The following AP3B1 variants were observed in gnomAD, a reference collection of about 807,000 sequenced individuals.
AP3B1 encodes the protein adaptor related protein complex 3 subunit beta 1, also known as AP-3 complex subunit beta-1.
Under a neutral mutation model 132.5 loss-of-function variants are expected in AP3B1, and 61 were observed. That is an observed-to-expected ratio of 0.46 (90% CI 0.37 to 0.57). AP3B1 has a LOEUF of 0.57. Among genes scored for constraint, AP3B1 ranks in the 20% least tolerant of loss-of-function variants. The pLI is 0.00. For missense variants in AP3B1, 1,120 were observed against 1,289.4 expected (o/e 0.87, Z 2.01); for synonymous variants, 388 against 438.3 (o/e 0.89, Z 1.43).
chr5:78,119,985 T>A (rs557256480), intron 17 of AP3B1, among the ~76,000 whole-genome samples: 3 of 152,162 alleles, frequency 2.0e-5, no homozygotes, highest in South Asian at 2.1e-4. Flanking sequence ...GACTAACAGC[T>A]GATCTCTTGG....
intron 23 of AP3B1, among the ~76,000 whole-genome samples, chr5:78,034,784 G>A (rs138842238): frequency 3.8e-4 from 58 of 151,756 alleles, no homozygotes; most frequent in Non-Finnish European, 6.3e-4. Context: ...TTCTTGTTTC[G>A]CATACCTGTA....
At chr5:78,114,508 C>T (rs111477246) in intron 18 of AP3B1, among the ~76,000 whole-genome samples, 181 of 152,220 alleles carry the variant, frequency 1.2e-3, no homozygotes, top group African/African-American at 4.2e-3. Flanking sequence ...TCAAGTTACA[C>T]TGAGGAATTA....
chr5:78,290,186 T>G (rs1749452347), intron 1 of AP3B1, among the ~76,000 whole-genome samples: 1 of 152,246 alleles, frequency 6.6e-6, no homozygotes, highest in East Asian at 1.9e-4. Context: ...GAAGCACTAC[T>G]ACAAATGGAA....
intron 24 of AP3B1, among the ~76,000 whole-genome samples, chr5:78,025,528 A>G (rs982796468): frequency 4.6e-5 from 7 of 152,230 alleles, no homozygotes; most frequent in African/African-American, 1.7e-4. Context: ...GAACTTCAGT[A>G]GATATTTCTG....
chr5:78,081,381 C>T (rs1228236263), intron 22 of AP3B1, among the ~76,000 whole-genome samples: 1 of 145,334 alleles, frequency 6.9e-6, no homozygotes, highest in Non-Finnish European at 1.5e-5. Flanking sequence ...GATCTCGGCT[C>T]ACTGCTAGCT....
rs190033824 is a variant in AP3B1 at position 78,084,329 on chromosome 5, A to T, written c.2577+5064T>A. Among the ~76,000 whole-genome samples the T allele has an allele frequency of 1.3e-3, 192 of 152,060 alleles. 1 individual carries two copies. Among genetic ancestry groups the T allele is most frequent in the African/African-American group, 4.3e-3 (177 of 41,480 alleles). ...AACCCTAGCTCTACCAACAAAAATT[A>T]AAAAATTAGCCAATAAATTAGCCAT... On this transcript the variant is annotated intron_variant, in intron 22 of 26. Coordinates refer to ENST00000255194, the MANE Select transcript of AP3B1 (RefSeq NM_003664.5).
intron 22 of AP3B1, among the ~76,000 whole-genome samples, chr5:78,051,846 T>C (rs183077260): frequency 6.6e-6 from 1 of 152,270 alleles, no homozygotes; most frequent in Admixed American, 6.5e-5. Flanking sequence ...CAGCTTCATC[T>C]TTAAAATTAG....
Position 78,240,889 on chromosome 5 carries a change from C to T in AP3B1, c.252G>A (p.Val84=). Residue 84 remains valine, a synonymous_variant, in exon 3 of 27, where the codon GTG becomes GTA. Coordinates refer to ENST00000255194, the MANE Select transcript of AP3B1 (RefSeq NM_003664.5). ...KNASELFPAV[V]KNVASKNIEI... ...CAATATTTTTACTGGCCACATTCTTCACAACAGCAGGAAACAGTTCAGATG... is the reference window on the plus strand; with the variant it reads ...CAATATTTTTACTGGCCACATTCTTTACAACAGCAGGAAACAGTTCAGATG... 1 of 1,613,250 alleles carries T rather than the reference C, an allele frequency of 6.2e-7. No homozygotes were observed. The highest frequency in any genetic ancestry group is 8.5e-7 in the Non-Finnish European group (1 of 1,179,390).
At chr5:78,236,475 C>A (rs563928570) in intron 3 of AP3B1, among the ~76,000 whole-genome samples, 9 of 152,262 alleles carry the variant, frequency 5.9e-5, no homozygotes, top group African/African-American at 2.2e-4. Flanking sequence ...GGAAAGATGG[C>A]GCTGAATGGG....
At chr5:78,003,388 T>G (rs1746263017) in intron 26 of AP3B1, 1 of 346,220 alleles carries the variant, frequency 2.9e-6, no homozygotes, top group African/African-American at 2.2e-5. Context: ...TATTTAACAT[T>G]TCACCATGCA....
intron 22 of AP3B1, chr5:78,089,041 A>C (rs1750395516): frequency 5.7e-6 from 1 of 175,132 alleles, no homozygotes; most frequent in Non-Finnish European, 1.2e-5. Flanking sequence ...TGGTAGGAAT[A>C]AAACGATTAC....
At chr5:78,072,427 T>A (rs762115863) in intron 22 of AP3B1, among the ~76,000 whole-genome samples, 144 of 152,346 alleles carry the variant, frequency 9.5e-4, no homozygotes, top group Middle Eastern at 6.8e-3. Context: ...TCAAGCAAGA[T>A]GAACACATTT....
chr5:78,024,841 G>A (rs1020584792), intron 24 of AP3B1, among the ~76,000 whole-genome samples: 1 of 150,706 alleles, frequency 6.6e-6, no homozygotes, highest in Non-Finnish European at 1.5e-5. Context: ...GGGATTACAG[G>A]TGTGAGTCAC....
At chr5:78,083,681 A>C (rs1441894533) in intron 22 of AP3B1, among the ~76,000 whole-genome samples, 1 of 152,222 alleles carries the variant, frequency 6.6e-6, no homozygotes, top group Non-Finnish European at 1.5e-5. Context: ...CAAGACTAAA[A>C]CATGCTGTGT....
chr5:78,171,144 G>A (rs1743896330), intron 11 of AP3B1, among the ~76,000 whole-genome samples: 1 of 152,180 alleles, frequency 6.6e-6, no homozygotes, highest in Non-Finnish European at 1.5e-5. Flanking sequence ...TAGCCTCGTA[G>A]TATAGTTTGA....
At chr5:78,031,825 T>C (rs1320143523) in intron 24 of AP3B1, among the ~76,000 whole-genome samples, 1 of 152,212 alleles carries the variant, frequency 6.6e-6, no homozygotes, top group Non-Finnish European at 1.5e-5. Context: ...TCTGTTCTTA[T>C]ATTTTCAGTG....
intron 1 of AP3B1, among the ~76,000 whole-genome samples, chr5:78,268,333 A>G (rs1748413048): frequency 6.6e-6 from 1 of 152,150 alleles, no homozygotes; most frequent in African/African-American, 2.4e-5. Flanking sequence ...CTTAATGACT[A>G]TGTATACTTT....
intron 22 of AP3B1, among the ~76,000 whole-genome samples, chr5:78,067,909 G>C (rs996566911): frequency 6.7e-6 from 1 of 149,986 alleles, no homozygotes; most frequent in East Asian, 1.9e-4. Flanking sequence ...AAATAACCAA[G>C]ATCAGAGCAG....
chr5:78,042,743 T>C (rs1748146306), intron 22 of AP3B1: 1 of 160,146 alleles, frequency 6.2e-6, no homozygotes, highest in African/African-American at 2.4e-5. Flanking sequence ...GATACTCTTA[T>C]ATCATCATGG....
Sources: gnomAD v4.1 joint callset for allele counts (sites outside exome capture counted in the v4.1 genomes callset) on GRCh38, gnomAD v4.1.1 for gene constraint, MANE v1.5 for transcripts, NCBI Gene and HGNC (gene_info 2026-07-23, HGNC 2026-07-21) for gene names.